Variants in GTF3C5 observed in about 807,000 individuals in gnomAD.
The protein encoded by GTF3C5 is general transcription factor IIIC subunit 5.
GTF3C5 carries 47 observed loss-of-function variants against 61.0 expected under a neutral mutation model. The ratio of observed to expected loss-of-function variants is 0.77; its 90% confidence interval spans 0.61 to 0.98. The LOEUF is 0.98. Among genes scored for constraint, GTF3C5 ranks in the 50% least tolerant of loss-of-function variants. The pLI, the probability that GTF3C5 is intolerant of heterozygous loss-of-function variation, is 0.00. For missense variants in GTF3C5, 659 were observed against 703.3 expected, an observed-to-expected ratio of 0.94 and a Z score of 0.71; for synonymous variants, 295 against 275.4, an observed-to-expected ratio of 1.07 and a Z score of -0.71.
chr9:133,051,081 T>C, intron 4 of GTF3C5, 103 bp downstream of exon 4: 1 of 840,656 alleles, frequency 1.2e-6, no homozygotes, highest in South Asian at 1.9e-5. Flanking sequence ...TTGGCTGCAC[T>C]GACCTTTACC....
chr9:133,044,044 C>T (rs1850125703), intron 3 of GTF3C5, 118 bp downstream of exon 3: 1 of 709,528 alleles, frequency 1.4e-6, no homozygotes, highest in Non-Finnish European at 2.3e-6. Flanking sequence ...ACTCGGGAGG[C>T]TGAGGCTGGA....
chr9:133,032,462 A>C (rs1451546215), intron 1 of GTF3C5, among the ~76,000 whole-genome samples: 3 of 152,240 alleles, frequency 2.0e-5, no homozygotes, highest in Non-Finnish European at 4.4e-5. Context: ...CAAGGAAGTT[A>C]GACTTTGAAG....
chr9:133,031,301 G>A (rs1849725961), intron 1 of GTF3C5, 137 bp downstream of exon 1: 1 of 691,450 alleles, frequency 1.4e-6, no homozygotes, highest in Admixed American at 3.0e-5. Flanking sequence ...TCTGGCCGCT[G>A]CAAGAGAGCC....
Position 133,056,653 on chromosome 9 carries a change from C to T in GTF3C5, c.1251-113C>T, listed in dbSNP as rs571619123. The T allele has an allele frequency of 3.2e-5, 32 of 1,012,292 alleles. No individual in the cohort carries two copies. In the Middle Eastern group the frequency reaches 1.1e-3, roughly 34 times the overall value. 62.7% of individuals were successfully genotyped at this position (1,012,292 alleles called of 1,614,324 possible). A position where few individuals can be genotyped will look rare whatever the true frequency, so the allele number is the denominator to read the frequency against. On this transcript the variant is annotated intron_variant, in intron 9 of 10. Transcript: ENST00000372097. The stretch of plus-strand genomic sequence containing the variant: ...AGTTCCTCTCTGTAGACTTCGCTCA[C>T]GGGGCTGCCTTTGATCTCAGTACAG...
rs199790336 is a variant in GTF3C5, at chr9:133,055,999, C to T, written c.1168-13C>T. On this transcript the variant is annotated splice_polypyrimidine_tract_variant and intron_variant, in intron 8 of 10. Coordinates refer to ENST00000372097, the MANE Select transcript of GTF3C5 (RefSeq NM_012087.4). ...GGCTCACCTTCCCTGTCTCTCTCCC[C>T]CTTTGTCACCAGGACTCTGTCTACA... 2 of 1,614,054 alleles carry T rather than the reference C, an allele frequency of 1.2e-6. No homozygotes were observed. Among genetic ancestry groups the T allele is most frequent in the Non-Finnish European group, 1.7e-6 (2 of 1,179,928 alleles).
intron 1 of GTF3C5, among the ~76,000 whole-genome samples, chr9:133,031,724 C>G (rs1027372260): frequency 2.0e-5 from 3 of 152,200 alleles, no homozygotes; most frequent in African/African-American, 7.2e-5. Flanking sequence ...CTATCTCTTA[C>G]ACAGCTAGTC....
In GTF3C5 at chr9:133,054,762, G is replaced by T; in HGVS notation, c.1120G>T (p.Gly374Trp). ...CCTGAAGCAGGGCCTGGGCCCGTCG[G>T]GGACGAGTGGTGCTCGGAAACCAGC... ...HDLKQGLGPS[G>W]TSGARKPASS... is the part of the protein sequence containing the mutation. The change falls in exon 8 of 11, where the codon GGG becomes TGG. Residue 374 changes from glycine to tryptophan, a missense_variant. Transcript: ENST00000372097. 1.3e-6 allele frequency: 2 copies of T among 1,585,046 alleles called. No homozygotes were observed. The highest frequency in any genetic ancestry group is 2.3e-5 in the East Asian group (1 of 43,730).
chr9:133,054,758 G>C lies in GTF3C5; in HGVS notation c.1116G>C (p.Pro372=), dbSNP rs368661195. Residue 372 remains proline (P), a synonymous_variant, in exon 8 of 11, where the codon CCG becomes CCC. Transcript: ENST00000372097. ...TMHDLKQGLG[P]SGTSGARKPA... is the part of the protein sequence containing the mutation. ...ATGACCTGAAGCAGGGCCTGGGCCC[G>C]TCGGGGACGAGTGGTGCTCGGAAAC... The C allele has an allele frequency of 3.8e-6, 6 of 1,585,032 alleles. No homozygotes were observed. The African/African-American group carries it at 5.4e-5, about 14-fold the overall frequency.
rs189999850 is a variant in GTF3C5, at chr9:133,034,589, G to A, written c.153+3425G>A. Among the ~76,000 whole-genome samples, 5 of 152,246 alleles carry A rather than the reference G, an allele frequency of 3.3e-5. No homozygotes were observed. The East Asian group carries it at 9.6e-4, about 29-fold the overall frequency. Reference sequence around the variant, plus strand: ...CTGTGGACATTACTCCTTTCACCTGGCGTGTAGTGTGCCCATCCCTTTTCA... The same window carrying A: ...CTGTGGACATTACTCCTTTCACCTGACGTGTAGTGTGCCCATCCCTTTTCA... On this transcript the variant is annotated intron_variant, in intron 1 of 10. Transcript: ENST00000372097.
rs114135861 is a variant in GTF3C5, at chr9:133,056,130, G to C, written c.1250+36G>C. ...GAGGGGCCCTGAGACACTGAGGGGG[G>C]CCCGTGGGACCCAGGGACCAAAGCG... On this transcript the variant is annotated intron_variant, in intron 9 of 10. Coordinates refer to ENST00000372097, the MANE Select transcript of GTF3C5 (RefSeq NM_012087.4). The C allele has an allele frequency of 2.7e-3, 4,226 of 1,577,156 alleles. 92 individuals are homozygous for C. The African/African-American group carries it at 0.048, about 18-fold the overall frequency.
intron 1 of GTF3C5, among the ~76,000 whole-genome samples, chr9:133,035,518 T>C (rs1849839266): frequency 6.6e-6 from 1 of 152,228 alleles, no homozygotes. Flanking sequence ...AATTCCTTGA[T>C]GCAGCTGAGA....
intron 3 of GTF3C5, among the ~76,000 whole-genome samples, chr9:133,047,823 A>AT (rs1239220912): frequency 2.0e-5 from 3 of 152,104 alleles, no homozygotes; most frequent in African/African-American, 7.2e-5. Flanking sequence ...CACCCAGCCT[A>AT]TTTTTTAAAG....
chr9:133,032,006 G>C (rs529761161), intron 1 of GTF3C5, among the ~76,000 whole-genome samples: 1 of 152,152 alleles, frequency 6.6e-6, no homozygotes, highest in Non-Finnish European at 1.5e-5. Context: ...GAACAGGGAA[G>C]CTGAACATAC....
At chr9:133,050,705 C>A in intron 3 of GTF3C5, 78 bp from the exon 4 acceptor site, 1 of 1,070,498 alleles carries the variant, frequency 9.3e-7, no homozygotes, top group Non-Finnish European at 1.4e-6. Context: ...GGGTTCTGGG[C>A]TCCCTGCCTG....
chr9:133,036,859 A>T (rs931303594), intron 1 of GTF3C5, among the ~76,000 whole-genome samples: 33 of 152,148 alleles, frequency 2.2e-4, no homozygotes, highest in Non-Finnish European at 4.7e-4. Context: ...CCTTCGTATC[A>T]AGTGTCCTAG....
At chr9:133,032,762 A>G (rs1849765684) in intron 1 of GTF3C5, among the ~76,000 whole-genome samples, 1 of 152,196 alleles carries the variant, frequency 6.6e-6, no homozygotes, top group Non-Finnish European at 1.5e-5. Flanking sequence ...ATGGCAAGGG[A>G]CATAAGGATC....
chr9:133,043,187 T>C (rs1850088196), intron 2 of GTF3C5, among the ~76,000 whole-genome samples: 1 of 152,264 alleles, frequency 6.6e-6, no homozygotes, highest in South Asian at 2.1e-4. Flanking sequence ...GCAGTCATTC[T>C]GGTGGGTCAT....
At chr9:133,031,548 C>T (rs1322268025) in intron 1 of GTF3C5, among the ~76,000 whole-genome samples, 1 of 152,066 alleles carries the variant, frequency 6.6e-6, no homozygotes, top group African/African-American at 2.4e-5. Flanking sequence ...GAGGGGGTTT[C>T]ACCATGTTGG....
In GTF3C5 at chr9:133,056,061, T is replaced by TGTTCA. The variant is rs749457842; in HGVS notation, c.1221_1222insAGTTC (p.Tyr408SerfsTer8). ...GGGGCCTTGCCACCCTATCGGCAGA[T>TGTTCA]GTTCTACCAGTTATGCGACTTGAAT... On this transcript the variant is annotated frameshift_variant, in exon 9 of 11. Coordinates refer to ENST00000372097, the MANE Select transcript of GTF3C5 (RefSeq NM_012087.4). LOFTEE classifies it high-confidence loss of function. The TGTTCA allele has an allele frequency of 6.4e-5, 103 of 1,614,024 alleles. No homozygotes were observed. Among genetic ancestry groups the TGTTCA allele is most frequent in the Non-Finnish European group, 8.6e-5 (102 of 1,179,992 alleles).
Sources: allele counts gnomAD v4.1 joint callset (sites outside exome capture counted in the v4.1 genomes callset), GRCh38; gene constraint gnomAD v4.1.1; transcripts MANE v1.5; gene names NCBI Gene and HGNC (gene_info 2026-07-23, HGNC 2026-07-21).